TECR: variants seen among roughly 807,000 people sequenced by gnomAD.
TECR encodes trans-2,3-enoyl-CoA reductase.
A neutral mutation model predicts 50.6 loss-of-function variants in TECR; 19 were observed. The ratio of observed to expected loss-of-function variants is 0.38; its 90% CI spans 0.26 to 0.55. The LOEUF (loss-of-function observed/expected upper bound fraction) is 0.55, where lower values mean the gene tolerates loss of function less well. TECR is among the 20% of genes least tolerant of loss of function. The probability of loss-of-function intolerance (pLI) is 0.79; values close to 1 mark genes in which losing one functional copy is unlikely to be tolerated. For missense variants in TECR, 313 were observed against 408.3 expected (o/e 0.77, Z 2.01); for synonymous variants, 168 against 163.5 (o/e 1.03, Z -0.21).
intron 1 of TECR, among the ~76,000 whole-genome samples, chr19:14,535,609 C>A (rs2072870730): frequency 9.8e-6 from 1 of 101,852 alleles, no homozygotes; most frequent in African/African-American, 4.1e-5. Flanking sequence ...TATAAATTAG[C>A]CAGGCATCAT....
At chr19:14,529,205 C>A (rs981568625), upstream of TECR, 1 of 246,528 alleles carries the variant, frequency 4.1e-6, no homozygotes, top group Non-Finnish European at 8.4e-6. Flanking sequence ...CCGGGGGCCG[C>A]CCACCTCAGA....
chr19:14,562,499 C>T (rs1599496295), intron 1 of TECR, 26 bp from the exon 2 acceptor site: 2 of 1,614,182 alleles, frequency 1.2e-6, no homozygotes, highest in Non-Finnish European at 8.5e-7. Flanking sequence ...GCCAAGAAAC[C>T]TAAAAAGGCT....
Position 14,546,208 on chromosome 19 carries a change from T to G in TECR, c.16-16317T>G, listed in dbSNP as rs75585184. On this transcript the variant is annotated intron_variant, in intron 1 of 12. Coordinates refer to ENST00000215567, the MANE Select transcript of TECR (RefSeq NM_138501.6). ...CAGCTGGGAAATCATTACAGACATT[T>G]CCGATCATAGATCACACTGAAAGTT... Among the ~76,000 whole-genome samples, 1,361 of 152,038 alleles carry G rather than the reference T, an allele frequency of 9.0e-3. 20 individuals carry two copies. The highest frequency in any genetic ancestry group is 0.031 in the African/African-American group (1,303 of 41,490).
At chr19:14,557,896 C>T (rs1374406506) in intron 1 of TECR, among the ~76,000 whole-genome samples, 1 of 152,122 alleles carries the variant, frequency 6.6e-6, no homozygotes, top group African/African-American at 2.4e-5. Context: ...GCTGGGACTA[C>T]AGGCACCCAC....
At chr19:14,565,388 G>A (rs1722376004) in intron 11 of TECR, 98 bp downstream of exon 11, 2 of 1,493,796 alleles carry the variant, frequency 1.3e-6, no homozygotes, top group Non-Finnish European at 1.8e-6. Flanking sequence ...AGCTGCTTTT[G>A]CCGCCTGCAC....
chr19:14,560,935 C>T (rs1395615319), intron 1 of TECR, among the ~76,000 whole-genome samples: 1 of 152,178 alleles, frequency 6.6e-6, no homozygotes, highest in African/African-American at 2.4e-5. Flanking sequence ...GGGACCGTCA[C>T]AGTCCTGGGA....
intron 7 of TECR, among the ~76,000 whole-genome samples, chr19:14,564,496 C>T (rs1327876196): frequency 2.1e-5 from 2 of 96,252 alleles, no homozygotes; most frequent in African/African-American, 3.9e-5. Context: ...CGTCGGGCCC[C>T]TAGGCCTGCC....
At position 14,545,266 on chromosome 19, in the gene TECR, G is replaced by A. The variant is rs1201046040; in HGVS notation, c.15+15555G>A. 1.1e-5 allele frequency: 5 copies of A among 453,352 alleles called. No homozygotes were observed. The Admixed American group carries it at 1.2e-4, about 11-fold the overall frequency. 28.1% of individuals were successfully genotyped at this position (453,352 alleles called of 1,614,324 possible). A position where few individuals can be genotyped will look rare whatever the true frequency, so the allele number is the denominator to read the frequency against. On this transcript the variant is annotated intron_variant, in intron 1 of 12. Transcript: ENST00000215567. Reference sequence around the variant, plus strand: ...AAATTTACTCTGTTCCAGCCTCCGGGTGTCACCCGCTTCCCCAAAGCTCTG... The same window carrying A: ...AAATTTACTCTGTTCCAGCCTCCGGATGTCACCCGCTTCCCCAAAGCTCTG...
intron 1 of TECR, among the ~76,000 whole-genome samples, chr19:14,541,128 T>G (rs1038550065): frequency 6.6e-6 from 1 of 152,116 alleles, no homozygotes; most frequent in Non-Finnish European, 1.5e-5. Flanking sequence ...TCCCGGCCAG[T>G]GCCTGGCTAA....
intron 7 of TECR, 57 bp downstream of exon 7, chr19:14,564,344 C>T (rs1432577139): frequency 3.4e-5 from 47 of 1,380,776 alleles, no homozygotes; most frequent in African/African-American, 6.0e-5. Flanking sequence ...CACCCCGCCC[C>T]GCCCCCACCG....
rs916359031 is a variant in TECR, at chr19:14,536,962, AGGGGCCGAGGAGGGGGC to A, written c.15+7265_15+7281del. Reference sequence around the variant, plus strand: ...TGGACACGGGGCAGATGTGGGGAGGAGGGGCCGAGGAGGGGGCGGGGCCGAGGAGGAGGAGGTGGGGC... The same window carrying A: ...TGGACACGGGGCAGATGTGGGGAGGAGGGGCCGAGGAGGAGGAGGTGGGGC... On this transcript the variant is annotated intron_variant, in intron 1 of 12. Transcript: ENST00000215567. Among the ~76,000 whole-genome samples the A allele has an allele frequency of 7.2e-3, 132 of 18,236 alleles. 1 individual carries two copies. Among genetic ancestry groups the A allele is most frequent in the African/African-American group, 0.026 (116 of 4,432 alleles). 12.0% of individuals were successfully genotyped at this position (18,236 alleles called of 152,430 possible). A position where few individuals can be genotyped will look rare whatever the true frequency, so the allele number is the denominator to read the frequency against.
intron 1 of TECR, among the ~76,000 whole-genome samples, chr19:14,553,791 G>T (rs932404858): frequency 1.3e-5 from 2 of 152,142 alleles, no homozygotes; most frequent in African/African-American, 2.4e-5. Context: ...GCATTGGCTG[G>T]ACAGGGAGCT....
intron 1 of TECR, among the ~76,000 whole-genome samples, chr19:14,540,903 C>G (rs998395137): frequency 2.6e-5 from 4 of 151,886 alleles, no homozygotes; most frequent in African/African-American, 7.3e-5. Context: ...AGAGTGATCT[C>G]GATTCACTGC....
chr19:14,561,508 TCAGGGGCTGGCA>T (rs2073901347), intron 1 of TECR, among the ~76,000 whole-genome samples: 1 of 152,120 alleles, frequency 6.6e-6, no homozygotes, highest in African/African-American at 2.4e-5. Flanking sequence ...GACTCCTACC[TCAGGGGCTGGCA>T]CAGGCCTGGC....
rs114645605 is a variant in TECR, at chr19:14,551,061, G to A, written c.16-11464G>A. On this transcript the variant is annotated intron_variant, in intron 1 of 12. Coordinates refer to ENST00000215567, the MANE Select transcript of TECR (RefSeq NM_138501.6). Reference sequence around the variant, plus strand: ...CATCTTAAGATCCTTAATTATATCTGCAAAGACACTATTTTTTTTTCTTTT... The same window carrying A: ...CATCTTAAGATCCTTAATTATATCTACAAAGACACTATTTTTTTTTCTTTT... 2.3e-3 allele frequency among the ~76,000 whole-genome samples: 342 copies of A among 151,764 alleles called. 1 individual carries two copies. The highest frequency in any genetic ancestry group is 8.0e-3 in the African/African-American group (333 of 41,404).
intron 1 of TECR, among the ~76,000 whole-genome samples, chr19:14,537,866 C>A (rs1249528936): frequency 6.6e-6 from 1 of 150,578 alleles, no homozygotes; most frequent in Non-Finnish European, 1.5e-5. Context: ...CTGCCTTAGT[C>A]TCCCGAGTAG....
At chr19:14,534,081 A>G (rs1014743036) in intron 1 of TECR, 1 of 151,712 alleles carries the variant, frequency 6.6e-6, no homozygotes, top group Admixed American at 6.6e-5. Context: ...AATACCCAGA[A>G]GCGAGCCTCT....
chr19:14,537,993 A>G (rs1389032910), intron 1 of TECR, among the ~76,000 whole-genome samples: 1 of 152,078 alleles, frequency 6.6e-6, no homozygotes, highest in African/African-American at 2.4e-5. Context: ...TGATCCGCCC[A>G]ACTTGGCCTC....
chr19:14,539,707 C>T (rs932977388), intron 1 of TECR, among the ~76,000 whole-genome samples: 1 of 152,088 alleles, frequency 6.6e-6, no homozygotes, highest in Admixed American at 6.6e-5. Context: ...CCTGGATGCC[C>T]TTCCCTCTGC....
Sources: allele counts gnomAD v4.1 joint callset (sites outside exome capture counted in the v4.1 genomes callset), GRCh38; gene constraint gnomAD v4.1.1; transcripts MANE v1.5; gene names NCBI Gene and HGNC (gene_info 2026-07-23, HGNC 2026-07-21).